Variants in RGS5 observed in about 807,000 individuals in gnomAD.
RGS5 encodes the protein regulator of G-protein signalling 5.
In RGS5, 20 loss-of-function variants were observed where a neutral mutation model predicts 18.9. The observed-to-expected ratio is 1.06, with a 90% confidence interval of 0.74 to 1.54. RGS5 has a LOEUF of 1.54. RGS5 is among the 40% of genes most tolerant of loss of function. RGS5 has a pLI of 0.00. For synonymous variants in RGS5, 57 were observed against 76.2 expected (o/e 0.75, Z 1.31); for missense variants, 201 against 211.8 (o/e 0.95, Z 0.32).
intron 1 of RGS5, among the ~76,000 whole-genome samples, chr1:163,173,084 C>A (rs1052191303): frequency 6.6e-6 from 1 of 152,102 alleles, no homozygotes; most frequent in Non-Finnish European, 1.5e-5. Flanking sequence ...AAAAACAACA[C>A]CATCCAGAGA....
intron 1 of RGS5, among the ~76,000 whole-genome samples, chr1:163,310,790 G>T (rs1023313065): frequency 6.6e-6 from 1 of 152,232 alleles, no homozygotes; most frequent in Middle Eastern, 3.4e-3. Context: ...GCCTGAGACT[G>T]GGTAATTTAT....
rs192716591 is a variant in RGS5, at chr1:163,171,568, T to G, written c.45-3200A>C. Among the ~76,000 whole-genome samples, 761 of 152,338 alleles carry G rather than the reference T, an allele frequency of 5.0e-3. 5 individuals carry two copies. Among genetic ancestry groups the G allele is most frequent in the African/African-American group, 0.017 (720 of 41,574 alleles). On this transcript the variant is annotated intron_variant, in intron 1 of 4. Coordinates refer to ENST00000313961, the MANE Select transcript of RGS5 (RefSeq NM_003617.4). ...TTTAACTTTATCCCCCCTCTCAAAT[T>G]TAGTTCCTTTTTTTTCTATTTCTTG...
intron 1 of RGS5, among the ~76,000 whole-genome samples, chr1:163,174,583 G>T (rs928616586): frequency 6.6e-6 from 1 of 152,316 alleles, no homozygotes; most frequent in Non-Finnish European, 1.5e-5. Flanking sequence ...TATAAAGTAA[G>T]TGAATTCAAT....
At chr1:163,307,429 A>C (rs114086628) in intron 1 of RGS5, among the ~76,000 whole-genome samples, 257 of 152,226 alleles carry the variant, frequency 1.7e-3, no homozygotes, top group Non-Finnish European at 2.9e-3. Context: ...AACAGAAAGG[A>C]AATATCAAAT....
At chr1:163,260,357 T>C (rs1648396154) in intron 2 of RGS5, 1 of 152,226 alleles carries the variant, frequency 6.6e-6, no homozygotes, top group Non-Finnish European at 1.5e-5. Flanking sequence ...TCTTAGTTTA[T>C]TGAAATTATC....
intron 2 of RGS5, among the ~76,000 whole-genome samples, chr1:163,252,733 T>C (rs975838981): frequency 1.3e-5 from 2 of 152,136 alleles, no homozygotes; most frequent in South Asian, 2.1e-4. Context: ...GGGACAAATG[T>C]AAAACAAATA....
intron 2 of RGS5, among the ~76,000 whole-genome samples, chr1:163,275,680 G>T (rs1009868612): frequency 2.0e-5 from 3 of 152,086 alleles, no homozygotes; most frequent in Non-Finnish European, 4.4e-5. Flanking sequence ...TCTCTTTTCA[G>T]CTTTATAATT....
chr1:163,232,869 AAC>A (rs894278872), intron 2 of RGS5, among the ~76,000 whole-genome samples: 5 of 152,200 alleles, frequency 3.3e-5, no homozygotes, highest in African/African-American at 4.8e-5. Flanking sequence ...CAAATGAAAA[AAC>A]AGAGTGTCTC....
At chr1:163,200,248 C>T (rs1170546702) in intron 1 of RGS5, among the ~76,000 whole-genome samples, 2 of 152,144 alleles carry the variant, frequency 1.3e-5, no homozygotes, top group Admixed American at 6.5e-5. Flanking sequence ...TAATGATATG[C>T]TATTCAGACT....
intron 2 of RGS5, among the ~76,000 whole-genome samples, chr1:163,229,542 C>T (rs12130030): frequency 0.065 from 9,823 of 152,180 alleles, 415 homozygotes; most frequent in South Asian, 0.15. Context: ...TCCCTCCATC[C>T]CTAGGTCCAA....
intron 1 of RGS5, among the ~76,000 whole-genome samples, chr1:163,314,559 AC>A (rs1649961687): frequency 6.7e-6 from 1 of 149,860 alleles, no homozygotes; most frequent in African/African-American, 2.5e-5. Context: ...AACAACAACA[AC>A]AACAAAAAAA....
At chr1:163,276,428 T>G (rs74772929) in intron 2 of RGS5, among the ~76,000 whole-genome samples, 67,809 of 151,482 alleles carry the variant, frequency 0.45, 15,462 homozygotes, top group African/African-American at 0.5. Context: ...TATGAGTTGT[T>G]TAGATAGATA....
chr1:163,174,941 G>T (rs1443209139), intron 1 of RGS5, among the ~76,000 whole-genome samples: 1 of 152,148 alleles, frequency 6.6e-6, no homozygotes, highest in Admixed American at 6.5e-5. Flanking sequence ...CCTAACATCG[G>T]ATAATCCAAT....
chr1:163,276,870 C>T (rs890010403), intron 2 of RGS5, among the ~76,000 whole-genome samples: 3 of 152,228 alleles, frequency 2.0e-5, no homozygotes, highest in African/African-American at 7.2e-5. Context: ...GAACCTACCC[C>T]TCCTCTCGGC....
intron 2 of RGS5, among the ~76,000 whole-genome samples, chr1:163,293,591 C>A (rs1013570382): frequency 1.3e-5 from 2 of 152,102 alleles, no homozygotes; most frequent in Admixed American, 6.5e-5. Context: ...CTGCCCCTGG[C>A]CCCTCCCAAA....
At position 163,152,661 on chromosome 1, in the gene RGS5, A is replaced by G. The variant is rs1431322638; in HGVS notation, c.273T>C (p.Leu91=). Reference sequence around the variant, plus strand: ...AATCCTCACAGGCAATCCAGAACTCAAGGTTTTCCTCACTGAATTCAGACT... The same window carrying G: ...AATCCTCACAGGCAATCCAGAACTCGAGGTTTTCCTCACTGAATTCAGACT... The part of the protein sequence containing the change: ...FLKSEFSEEN[L]EFWIACEDYK... The change falls in exon 4 of 5, where the codon CTT becomes CTC. Residue 91 remains leucine (L), a synonymous_variant. Coordinates refer to ENST00000313961, the MANE Select transcript of RGS5 (RefSeq NM_003617.4). 6.2e-7 allele frequency: 1 copy of G among 1,611,588 alleles called. No homozygotes were observed. Among genetic ancestry groups the G allele is most frequent in the Non-Finnish European group, 8.5e-7 (1 of 1,178,726 alleles).
chr1:163,161,684 C>T, intron 3 of RGS5: 1 of 445,002 alleles, frequency 2.2e-6, no homozygotes, highest in Non-Finnish European at 4.2e-6. Context: ...CAACTGCAAT[C>T]ATGAGTCTTC....
intron 3 of RGS5, among the ~76,000 whole-genome samples, chr1:163,161,441 G>C (rs1657792497): frequency 6.6e-6 from 1 of 152,142 alleles, no homozygotes; most frequent in African/African-American, 2.4e-5. Context: ...AACGGAGGCT[G>C]GGGGAGATAA....
intron 1 of RGS5, among the ~76,000 whole-genome samples, chr1:163,186,124 T>G (rs1372520229): frequency 6.7e-6 from 1 of 149,448 alleles, no homozygotes; most frequent in Non-Finnish European, 1.5e-5. Context: ...CAGGCTGGAG[T>G]GCAGTGGTGC....
Sources: allele counts gnomAD v4.1 joint callset (sites outside exome capture counted in the v4.1 genomes callset), GRCh38; gene constraint gnomAD v4.1.1; transcripts MANE v1.5; gene names NCBI Gene and HGNC (gene_info 2026-07-23, HGNC 2026-07-21).